Variants in TASOR2 observed in about 807,000 individuals in gnomAD.
TASOR2 encodes the protein transcription activation suppressor family member 2, also known as protein TASOR 2.
Under a neutral mutation model 199.5 loss-of-function variants are expected in TASOR2, and 84 were observed. The observed-to-expected ratio is 0.42, with a 90% CI of 0.35 to 0.50. The LOEUF is 0.50. TASOR2 is among the 20% of genes least tolerant of loss of function. TASOR2 has a pLI of 0.02. For missense variants in TASOR2, 2,796 were observed against 2,835.9 expected (o/e 0.99, Z 0.32); for synonymous variants, 1,103 against 1,046.6 (o/e 1.05, Z -1.04).
chr10:5,721,845 C>A (rs1261988395), intron 6 of TASOR2, among the ~76,000 whole-genome samples: 1 of 152,176 alleles, frequency 6.6e-6, no homozygotes, highest in Admixed American at 6.5e-5. Context: ...CTGGCAGATA[C>A]CATCTTAACT....
rs1370674890 is a variant in TASOR2 at position 5,698,064 on chromosome 10, C to A, written c.-288+12889C>A. Among the ~76,000 whole-genome samples, 1 of 152,208 alleles carries A rather than the reference C, an allele frequency of 6.6e-6. No individual in the cohort carries two copies. The highest frequency in any genetic ancestry group is 1.5e-5 in the Non-Finnish European group (1 of 68,040). On this transcript the variant is annotated intron_variant, in intron 1 of 20. Transcript: ENST00000328090. The surrounding 1 kb of genome is among the most constrained non-coding windows in gnomAD (Gnocchi z 4.4). ...AGTGCTTTACTTTTCCTTATGTTCA[C>A]TCCATGACCCTATGCAGTTCCTTTC...
chr10:5,736,367 G>A (rs113461948), intron 12 of TASOR2, among the ~76,000 whole-genome samples: 21,014 of 151,664 alleles, frequency 0.14, 2,516 homozygotes, highest in East Asian at 0.44. Flanking sequence ...GTGGTGAGCC[G>A]AGATCGCGCC....
intron 10 of TASOR2, among the ~76,000 whole-genome samples, chr10:5,727,992 C>T (rs1465694907): frequency 6.6e-6 from 1 of 151,966 alleles, no homozygotes; most frequent in Non-Finnish European, 1.5e-5. Context: ...GAGGCCGAGG[C>T]AGGTAGATTT....
chr10:5,712,734 G>A, intron 1 of TASOR2, 89 bp from the exon 2 acceptor site: 1 of 754,910 alleles, frequency 1.3e-6, no homozygotes, highest in Non-Finnish European at 1.8e-6. Flanking sequence ...CTTAATGGCA[G>A]GAAGAATTCA....
At chr10:5,739,561 G>A in intron 12 of TASOR2, 57 bp from the exon 14 acceptor site, 1 of 1,492,998 alleles carries the variant, frequency 6.7e-7, no homozygotes, top group Non-Finnish European at 9.1e-7. Flanking sequence ...TAATATGGCA[G>A]AGAGTTAATT....
chr10:5,686,594 A>G (rs1210432150), intron 1 of TASOR2, among the ~76,000 whole-genome samples: 3 of 152,226 alleles, frequency 2.0e-5, no homozygotes, highest in Non-Finnish European at 2.9e-5. Context: ...ATGTTGCTAA[A>G]TTGCCCTGAA....
In TASOR2 at chr10:5,737,308, AGCATACCCTG is replaced by A. The variant is rs1291079060; in HGVS notation, c.1447+1763_1447+1772del. Among the ~76,000 whole-genome samples the A allele has an allele frequency of 3.3e-5, 5 of 151,746 alleles. No individual in the cohort carries two copies. Among genetic ancestry groups the A allele is most frequent in the Non-Finnish European group, 7.4e-5 (5 of 67,950 alleles). On this transcript the variant is annotated intron_variant, in intron 12 of 20. Coordinates refer to ENST00000328090, the Ensembl canonical transcript of TASOR2. The surrounding 1 kb of genome is among the most constrained non-coding windows in gnomAD (Gnocchi z 4.9). ...TTTTTTTGTTTTTTTTTTCAACTTA[AGCATACCCTG>A]AGATTCTTTAAGTTTTTTCAGATTG...
In TASOR2 at chr10:5,742,067, T is replaced by C. The variant is rs1426011781; in HGVS notation, c.2328-30T>C. The C allele has an allele frequency of 2.5e-6, 4 of 1,592,614 alleles. No homozygotes were observed. The African/African-American group carries it at 5.4e-5, about 22-fold the overall frequency. On this transcript the variant is annotated intron_variant, in intron 13 of 20. Coordinates refer to ENST00000328090, the Ensembl canonical transcript of TASOR2. This position sits in a 1 kb window ranked among gnomAD's most constrained non-coding sequence, Gnocchi z 4.2. Reference sequence around the variant, plus strand: ...CAACTAAAATAACCATTTTCAATGATTTTCATGTGTTCTTTCTGTAAACTC... The same window carrying C: ...CAACTAAAATAACCATTTTCAATGACTTTCATGTGTTCTTTCTGTAAACTC...
At position 5,747,319 on chromosome 10, in the gene TASOR2, G is replaced by A. The variant is rs750597295; in HGVS notation, c.3898G>A (p.Ala1300Thr). ...TACAAGTCCCAGAGAAGAAATGCCA[G>A]CTGGTGAAATAGAGCAATTTGAGGA... The change falls in exon 15 of 21, where the codon GCT becomes ACT. Residue 1300 changes from alanine to threonine, a missense_variant. By Grantham distance (58) the Ala-to-Thr change is moderately conservative. Around this residue, in one of 3 missense-constraint regions of TASOR2, gnomAD observed 1,941 missense variants for 1,924.9 expected, o/e 1.01. Coordinates refer to ENST00000328090, the Ensembl canonical transcript of TASOR2. 70 of 1,614,040 alleles carry A rather than the reference G, an allele frequency of 4.3e-5. No homozygotes were observed. The Admixed American group carries it at 1.1e-3, about 25-fold the overall frequency.
exon 21 of TASOR2, chr10:5,763,628 G>A (rs186719454): frequency 6.6e-6 from 1 of 151,228 alleles, no homozygotes; most frequent in Admixed American, 6.6e-5. Flanking sequence ...AATTTCTACA[G>A]TAAACACTCA....
Position 5,706,983 on chromosome 10 carries a change from C to T in TASOR2, c.-287-5840C>T, listed in dbSNP as rs1478934145. 6.9e-6 allele frequency among the ~76,000 whole-genome samples: 1 copy of T among 145,844 alleles called. No individual in the cohort carries two copies. The highest frequency in any genetic ancestry group is 1.5e-5 in the Non-Finnish European group (1 of 66,938). On this transcript the variant is annotated intron_variant, in intron 1 of 20. Transcript: ENST00000328090. The surrounding 1 kb of genome is among the most constrained non-coding windows in gnomAD (Gnocchi z 4.8). ...AAGCCACTTACGCTCCAGCCTGGGC[C>T]ACGGAGCAAGACTCCGTCTCAAAAA... is the stretch of plus-strand genomic sequence containing the variant.
chr10:5,714,444 A>C (rs1308794080), intron 2 of TASOR2: 1 of 326,580 alleles, frequency 3.1e-6, no homozygotes. Flanking sequence ...CTAAATTGTC[A>C]CAATGGCAAT....
intron 8 of TASOR2, among the ~76,000 whole-genome samples, chr10:5,725,271 G>T (rs1588738756): frequency 6.6e-6 from 1 of 151,854 alleles, no homozygotes; most frequent in South Asian, 2.1e-4. Flanking sequence ...GGCGCCTGTA[G>T]TCCCAGCTAC....
At chr10:5,760,206 A>ATT (rs1219579929) in intron 18 of TASOR2, among the ~76,000 whole-genome samples, 1 of 152,216 alleles carries the variant, frequency 6.6e-6, no homozygotes. Context: ...CAATGGTGGT[A>ATT]TCTGTGTGTC....
chr10:5,746,035 A>T, intron 14 of TASOR2, 144 bp from the exon 16 acceptor site: 1 of 917,956 alleles, frequency 1.1e-6, no homozygotes, highest in South Asian at 2.3e-5. Context: ...GTACCCTGTG[A>T]TATTCTTTTA....
intron 14 of TASOR2, among the ~76,000 whole-genome samples, chr10:5,744,725 G>A (rs985234445): frequency 2.0e-5 from 3 of 150,266 alleles, no homozygotes; most frequent in African/African-American, 7.4e-5. Flanking sequence ...TCCGCCTCCC[G>A]GGTTCAAGTG....
chr10:5,762,253 TAAAAA>T (rs33954327), intron 19 of TASOR2, among the ~76,000 whole-genome samples: 5 of 139,936 alleles, frequency 3.6e-5, no homozygotes, highest in African/African-American at 8.0e-5. Context: ...TATCTATCTT[TAAAAA>T]AAAAAAAAAA....
chr10:5,754,363 T>C lies in TASOR2; in HGVS notation c.6607-2250T>C, dbSNP rs995924686. Among the ~76,000 whole-genome samples, 12 of 152,072 alleles carry C rather than the reference T, an allele frequency of 7.9e-5. No individual in the cohort carries two copies. The highest frequency in any genetic ancestry group is 2.9e-4 in the African/African-American group (12 of 41,402). On this transcript the variant is annotated intron_variant, in intron 15 of 20. Transcript: ENST00000328090. The surrounding 1 kb of genome is among the most constrained non-coding windows in gnomAD (Gnocchi z 4.3). ...TTTCATGAAGAAGAGAGCATGGCAA[T>C]GCTAAGTTTTATTCATAGCAGAAGT...
chr10:5,747,385 G>A lies in TASOR2; in HGVS notation c.3964G>A (p.Glu1322Lys), dbSNP rs763344617. The change falls in exon 15 of 21, where the codon GAA (glutamate) becomes AAA (lysine). Residue 1322 changes from glutamate to lysine, a missense_variant. Physicochemically the swap from Glu to Lys is moderately conservative, Grantham distance 56 (BLOSUM62 1). Coordinates refer to ENST00000328090, the Ensembl canonical transcript of TASOR2. ...TTTAGAACTTCAGGATGTAGCTGAGGAAATAGGTGAACCGGAAGAGGTGGC... is the reference window on the plus strand; with the variant it reads ...TTTAGAACTTCAGGATGTAGCTGAGAAAATAGGTGAACCGGAAGAGGTGGC... The A allele has an allele frequency of 5.0e-6, 8 of 1,614,026 alleles. No individual in the cohort carries two copies. In the African/African-American group the frequency reaches 1.1e-4, roughly 22 times the overall value.
Sources: allele counts gnomAD v4.1 joint callset (sites outside exome capture counted in the v4.1 genomes callset), GRCh38; gene constraint gnomAD v4.1.1; regional missense constraint gnomAD v4.1.1; non-coding constraint Gnocchi (gnomAD v3.1); transcripts MANE v1.5; gene names NCBI Gene and HGNC (gene_info 2026-07-23, HGNC 2026-07-21).